The following PTPRJ variants were observed in gnomAD, a reference collection of about 807,000 sequenced individuals.
PTPRJ encodes protein tyrosine phosphatase receptor type J, also known as receptor-type tyrosine-protein phosphatase eta.
PTPRJ carries 129 observed loss-of-function variants against 141.3 expected under a neutral mutation model. The ratio of observed to expected loss-of-function variants is 0.91; its 90% CI spans 0.79 to 1.06. PTPRJ has a LOEUF of 1.06. Ranked by LOEUF, PTPRJ falls within the 50% of genes least tolerant of loss-of-function variation. The pLI, the probability that PTPRJ is intolerant of heterozygous loss-of-function variation, is 0.00. For synonymous variants in PTPRJ, 610 were observed against 640.5 expected (o/e 0.95, Z 0.72); for missense variants, 1,601 against 1,679.7 (o/e 0.95, Z 0.82).
At chr11:48,157,905 C>T (rs1363379686) in intron 21 of PTPRJ, among the ~76,000 whole-genome samples, 1 of 152,222 alleles carries the variant, frequency 6.6e-6, no homozygotes, top group Non-Finnish European at 1.5e-5. Flanking sequence ...GTAATCCCAG[C>T]ACTTTGGAAG....
At chr11:48,114,667 A>G (rs963355473) in intron 3 of PTPRJ, among the ~76,000 whole-genome samples, 3 of 152,140 alleles carry the variant, frequency 2.0e-5, no homozygotes, top group Admixed American at 6.6e-5. Flanking sequence ...ATCAAGAATA[A>G]TCAGGGAAAC....
Position 48,032,423 on chromosome 11 carries a change from T to C in PTPRJ, c.96+51415T>C, listed in dbSNP as rs1011121401. Among the ~76,000 whole-genome samples the C allele has an allele frequency of 1.1e-4, 17 of 152,214 alleles. 1 individual carries two copies. The highest frequency in any genetic ancestry group is 2.0e-4 in the Admixed American group (3 of 15,280). On this transcript the variant is annotated intron_variant, in intron 1 of 24. Transcript: ENST00000418331. Reference sequence around the variant, plus strand: ...GTTAGGCCTCAGATGTGATTTTGTTTGCTGACTTTCTCTTTGCTACCTTGG... The same window carrying C: ...GTTAGGCCTCAGATGTGATTTTGTTCGCTGACTTTCTCTTTGCTACCTTGG...
In PTPRJ at chr11:47,986,073, C is replaced by G. The variant is rs1347582830; in HGVS notation, c.96+5065C>G. On this transcript the variant is annotated intron_variant, in intron 1 of 24. Coordinates refer to ENST00000418331, the MANE Select transcript of PTPRJ (RefSeq NM_002843.4). ...ACTCCTGGGTCCAGTTGACATCCCT[C>G]TTCATCCTTCCAAGTAGCCAGGACT... is the stretch of plus-strand genomic sequence containing the variant. Among the ~76,000 whole-genome samples the G allele has an allele frequency of 2.6e-5, 4 of 152,192 alleles. No homozygotes were observed. The East Asian group carries it at 7.7e-4, about 29-fold the overall frequency.
intron 19 of PTPRJ, 73 bp downstream of exon 19, chr11:48,153,959 G>A: frequency 9.6e-7 from 1 of 1,044,258 alleles, no homozygotes; most frequent in African/African-American, 1.6e-5. Context: ...GTAGAGGGGA[G>A]GGAATCAGTG....
At chr11:47,983,425 A>G (rs550458394) in intron 1 of PTPRJ, among the ~76,000 whole-genome samples, 1 of 152,206 alleles carries the variant, frequency 6.6e-6, no homozygotes, top group Non-Finnish European at 1.5e-5. Context: ...AATCAACTAT[A>G]CCAGGTTAAA....
intron 1 of PTPRJ, among the ~76,000 whole-genome samples, chr11:48,103,410 GAT>G (rs1320922097): frequency 6.6e-6 from 1 of 152,212 alleles, no homozygotes; most frequent in Admixed American, 6.5e-5. Flanking sequence ...AGTGAGCTAT[GAT>G]TGTGCCATTG....
chr11:48,053,413 TA>T (rs1475859023), intron 1 of PTPRJ, among the ~76,000 whole-genome samples: 4 of 100,760 alleles, frequency 4.0e-5, no homozygotes, highest in Non-Finnish European at 6.8e-5. Flanking sequence ...ATAATATATA[TA>T]AATATATATG....
At chr11:48,153,196 C>T (rs1857523346) in intron 18 of PTPRJ, among the ~76,000 whole-genome samples, 1 of 152,004 alleles carries the variant, frequency 6.6e-6, no homozygotes, top group Non-Finnish European at 1.5e-5. Context: ...TGACTAAAAC[C>T]AGGGGTTTAT....
At chr11:47,983,944 C>T (rs559265424) in intron 1 of PTPRJ, among the ~76,000 whole-genome samples, 1 of 152,278 alleles carries the variant, frequency 6.6e-6, no homozygotes, top group African/African-American at 2.4e-5. Flanking sequence ...AAGCCTGATT[C>T]CTTACCTGTT....
intron 1 of PTPRJ, among the ~76,000 whole-genome samples, chr11:48,017,906 A>G (rs1360913688): frequency 6.6e-6 from 1 of 152,170 alleles, no homozygotes; most frequent in Admixed American, 6.5e-5. Context: ...TGTTTTCAAA[A>G]CACTTTATCA....
intron 1 of PTPRJ, among the ~76,000 whole-genome samples, chr11:48,026,996 CTTTTTT>C (rs1206503872): frequency 8.8e-6 from 1 of 113,224 alleles, no homozygotes; most frequent in Non-Finnish European, 1.8e-5. Flanking sequence ...TTGGAATACC[CTTTTTT>C]TTTTTTTTTT....
intron 1 of PTPRJ, among the ~76,000 whole-genome samples, chr11:48,105,835 G>T (rs949224173): frequency 6.6e-6 from 1 of 152,128 alleles, no homozygotes; most frequent in Non-Finnish European, 1.5e-5. Flanking sequence ...GGTGCCCTTG[G>T]TCTCCAGCTT....
In PTPRJ at chr11:48,167,236, G is replaced by A. The variant is rs1281293400; in HGVS notation, c.3888G>A (p.Leu1296=). The change falls in exon 25 of 25, where the codon TTG becomes TTA. Residue 1296 remains leucine, a synonymous_variant. Coordinates refer to ENST00000418331, the MANE Select transcript of PTPRJ (RefSeq NM_002843.4). The part of the protein sequence containing the change: ...DQYVFLNQCV[L]DIVRSQKDSK... ...ATGTTTTCCTCAATCAGTGTGTTTT[G>A]GATATTGTCAGATCCCAGAAAGACT... 1 of 1,612,098 alleles carries A rather than the reference G, an allele frequency of 6.2e-7. No homozygotes were observed. Among genetic ancestry groups the A allele is most frequent in the Admixed American group, 1.7e-5 (1 of 59,980 alleles).
rs376283493 is a variant in PTPRJ, at chr11:48,153,607, C to A, written c.3139-189C>A. Among the ~76,000 whole-genome samples the A allele has an allele frequency of 5.6e-4, 85 of 151,668 alleles. 1 individual carries two copies. The South Asian group carries it at 0.018, about 31-fold the overall frequency. ...TTTGTTACTCCCTGAAGGTCCTTTC[C>A]TGAGAAAGGAACTCAGATAAAACAA... On this transcript the variant is annotated intron_variant, in intron 18 of 24. Coordinates refer to ENST00000418331, the MANE Select transcript of PTPRJ (RefSeq NM_002843.4).
chr11:48,095,443 T>C (rs551126964), intron 1 of PTPRJ, among the ~76,000 whole-genome samples: 12 of 152,278 alleles, frequency 7.9e-5, no homozygotes, highest in Admixed American at 6.5e-4. Context: ...AATACCATTG[T>C]GTGTTTGAGA....
chr11:48,139,477 G>A lies in PTPRJ; in HGVS notation c.2153-9G>A, dbSNP rs1269940010. ...CGGAATCTCATGCTGTGCTGTACTTGCTTTGCAGATCCTGCGTCCATGGCC... is the reference window on the plus strand; with the variant it reads ...CGGAATCTCATGCTGTGCTGTACTTACTTTGCAGATCCTGCGTCCATGGCC... On this transcript the variant is annotated splice_polypyrimidine_tract_variant and intron_variant, in intron 10 of 24. Coordinates refer to ENST00000418331, the MANE Select transcript of PTPRJ (RefSeq NM_002843.4). The A allele has an allele frequency of 6.2e-7, 1 of 1,612,546 alleles. No individual in the cohort carries two copies. Among genetic ancestry groups the A allele is most frequent in the Non-Finnish European group, 8.5e-7 (1 of 1,178,760 alleles).
chr11:47,994,813 G>C (rs1482775594), intron 1 of PTPRJ, among the ~76,000 whole-genome samples: 4 of 152,124 alleles, frequency 2.6e-5, no homozygotes, highest in African/African-American at 4.8e-5. Context: ...AATGTTTTTT[G>C]AAAACCACAA....
At chr11:48,092,664 A>C (rs1565299016) in intron 1 of PTPRJ, among the ~76,000 whole-genome samples, 1 of 152,196 alleles carries the variant, frequency 6.6e-6, no homozygotes, top group South Asian at 2.1e-4. Context: ...TCCTGACCTC[A>C]GGTGATCCAC....
At chr11:47,984,354 A>G (rs1383180860) in intron 1 of PTPRJ, among the ~76,000 whole-genome samples, 4 of 152,166 alleles carry the variant, frequency 2.6e-5, no homozygotes, top group Admixed American at 2.0e-4. Context: ...TTCTCAGTTC[A>G]TTCACTTCTT....
Sources: allele counts gnomAD v4.1 joint callset (sites outside exome capture counted in the v4.1 genomes callset), GRCh38; gene constraint gnomAD v4.1.1; transcripts MANE v1.5; gene names NCBI Gene and HGNC (gene_info 2026-07-23, HGNC 2026-07-21).